The following COL23A1 variants were observed in gnomAD, a reference collection of about 807,000 sequenced individuals.
The protein encoded by COL23A1 is collagen type XXIII alpha 1 chain.
In COL23A1, 97 loss-of-function variants were observed where a neutral mutation model predicts 99.3. The ratio of observed to expected loss-of-function variants is 0.98; its 90% CI spans 0.83 to 1.16. The LOEUF is 1.16. COL23A1 is among the 50% of genes most tolerant of loss of function. The probability of loss-of-function intolerance (pLI) is 0.00; values close to 1 mark genes in which losing one functional copy is unlikely to be tolerated. For synonymous variants in COL23A1, 320 were observed against 308.2 expected (o/e 1.04, Z -0.40); for missense variants, 762 against 757.4 (o/e 1.01, Z -0.07).
chr5:178,364,639 C>T (rs889631040), intron 2 of COL23A1, among the ~76,000 whole-genome samples: 4 of 152,136 alleles, frequency 2.6e-5, no homozygotes, highest in Admixed American at 1.3e-4. Context: ...GTCGGGGAGG[C>T]GCCTGGGAAC....
rs556623770 is a variant in COL23A1 at position 178,446,105 on chromosome 5, T to TA, written c.361+114576_361+114577insT. On this transcript the variant is annotated intron_variant, in intron 2 of 28. Coordinates refer to ENST00000390654, the MANE Select transcript of COL23A1 (RefSeq NM_173465.4). ...TCAAAAAATTTCCATATATATATAT[T>TA]TTTAAACACATTATAACACCCAGTA... Among the ~76,000 whole-genome samples, 1,087 of 151,902 alleles carry TA rather than the reference T, an allele frequency of 7.2e-3. 14 individuals are homozygous for TA. The highest frequency in any genetic ancestry group is 0.024 in the African/African-American group (992 of 41,352).
chr5:178,481,467 A>T (rs1462792162), intron 2 of COL23A1, among the ~76,000 whole-genome samples: 1 of 152,194 alleles, frequency 6.6e-6, no homozygotes, highest in Admixed American at 6.5e-5. Flanking sequence ...CATATATCTG[A>T]TAAGTGATTA....
At chr5:178,552,965 C>T (rs2113489585) in intron 2 of COL23A1, among the ~76,000 whole-genome samples, 2 of 152,216 alleles carry the variant, frequency 1.3e-5, no homozygotes, top group East Asian at 3.9e-4. Flanking sequence ...GCCTTGGCCT[C>T]CCAAAGTGCT....
intron 2 of COL23A1, among the ~76,000 whole-genome samples, chr5:178,475,563 C>T (rs1039170529): frequency 2.6e-5 from 4 of 152,188 alleles, no homozygotes; most frequent in African/African-American, 4.8e-5. Flanking sequence ...AAAATGTATG[C>T]GATTACCCAA....
chr5:178,333,097 ACAG>A (rs1760123841), intron 2 of COL23A1, among the ~76,000 whole-genome samples: 1 of 152,072 alleles, frequency 6.6e-6, no homozygotes. Flanking sequence ...AGCTGGGACT[ACAG>A]GCGCCTGCCA....
At chr5:178,277,288 C>A (rs1561817492) in intron 5 of COL23A1, among the ~76,000 whole-genome samples, 2 of 151,994 alleles carry the variant, frequency 1.3e-5, no homozygotes, top group African/African-American at 4.8e-5. Flanking sequence ...ATTGCTTAAA[C>A]CGTGGAGGTT....
chr5:178,268,622 G>C (rs1756042107), intron 7 of COL23A1, 108 bp downstream of exon 7: 4 of 1,073,646 alleles, frequency 3.7e-6, no homozygotes, highest in Non-Finnish European at 5.3e-6. Flanking sequence ...TGAGGCTCTA[G>C]GAGGGGCTGT....
At chr5:178,263,716 T>G (rs1297895697) in intron 8 of COL23A1, among the ~76,000 whole-genome samples, 1 of 152,190 alleles carries the variant, frequency 6.6e-6, no homozygotes, top group Non-Finnish European at 1.5e-5. Flanking sequence ...CAACTCCCAC[T>G]TCATTTAAGT....
chr5:178,319,432 G>A (rs1006574200), intron 2 of COL23A1, among the ~76,000 whole-genome samples: 2 of 152,038 alleles, frequency 1.3e-5, no homozygotes, highest in Admixed American at 6.5e-5. Flanking sequence ...TCATTCGTGT[G>A]AGCTTTGATT....
At chr5:178,290,552 C>T (rs1046460424) in intron 3 of COL23A1, among the ~76,000 whole-genome samples, 183 bp from the exon 4 acceptor site, 3 of 152,164 alleles carry the variant, frequency 2.0e-5, no homozygotes, top group Non-Finnish European at 4.4e-5. Context: ...AGAAGGAGCA[C>T]CTTTGCCCTT....
chr5:178,436,357 G>A (rs571010758), intron 2 of COL23A1, among the ~76,000 whole-genome samples: 20 of 152,150 alleles, frequency 1.3e-4, no homozygotes, highest in African/African-American at 4.3e-4. Context: ...CCAGGTCAGC[G>A]GTTGTGGCGA....
chr5:178,529,429 C>A (rs148005732), intron 2 of COL23A1, among the ~76,000 whole-genome samples: 107 of 152,346 alleles, frequency 7.0e-4, no homozygotes, highest in Non-Finnish European at 1.2e-3. Flanking sequence ...TTTCTTGGGG[C>A]CCCAAGTGCA....
intron 3 of COL23A1, among the ~76,000 whole-genome samples, chr5:178,301,237 A>G (rs1367333726): frequency 1.3e-5 from 2 of 152,178 alleles, no homozygotes; most frequent in African/African-American, 2.4e-5. Flanking sequence ...TTTTCATTTC[A>G]GTTATGGTAC....
At chr5:178,339,491 C>G (rs753948690) in intron 2 of COL23A1, among the ~76,000 whole-genome samples, 26 of 152,234 alleles carry the variant, frequency 1.7e-4, no homozygotes, top group Non-Finnish European at 3.5e-4. Context: ...AGATCCTGCA[C>G]TGACCAGCAG....
chr5:178,258,262 T>TATATATATATATATATATATATATATAC lies in COL23A1; in HGVS notation c.730-696_730-695insGTATATATATATATATATATATATATAT. 1.6e-3 allele frequency among the ~76,000 whole-genome samples: 170 copies of TATATATATATATATATATATATATATAC among 104,010 alleles called. 7 individuals carry two copies. Among genetic ancestry groups the TATATATATATATATATATATATATATAC allele is most frequent in the Admixed American group, 4.0e-3 (38 of 9,618 alleles). 68.2% of individuals were successfully genotyped at this position (104,010 alleles called of 152,430 possible). The stretch of plus-strand genomic sequence containing the variant: ...ATATATATATATATATATATATATA[T>TATATATATATATATATATATATATATAC]ACACATGCAAATCAATTCTAGGCAC... On this transcript the variant is annotated intron_variant, in intron 12 of 28. Transcript: ENST00000390654.
At position 178,340,738 on chromosome 5, in the gene COL23A1, C is replaced by T. The variant is rs2127661465; in HGVS notation, c.362-33819G>A. On this transcript the variant is annotated intron_variant, in intron 2 of 28. Coordinates refer to ENST00000390654, the MANE Select transcript of COL23A1 (RefSeq NM_173465.4). The surrounding 1 kb of genome is among the most constrained non-coding windows in gnomAD (Gnocchi z 4.7). ...TCCCAGGGGCAGTGAGGGAGTCTCA[C>T]CGGAATGGAGGTGGGCGGGAATGGA... Among the ~76,000 whole-genome samples, 1 of 152,354 alleles carries T rather than the reference C, an allele frequency of 6.6e-6. No homozygotes were observed. The highest frequency in any genetic ancestry group is 2.1e-4 in the South Asian group (1 of 4,834).
intron 3 of COL23A1, among the ~76,000 whole-genome samples, chr5:178,293,802 C>T (rs112474013): frequency 0.028 from 4,272 of 151,956 alleles, 202 homozygotes; most frequent in African/African-American, 0.097. Context: ...AGGGAATGGG[C>T]TGGAATTTGT....
Position 178,256,412 on chromosome 5 carries a change from A to G in COL23A1, c.838-15T>C. The stretch of plus-strand genomic sequence containing the variant: ...CCAGGCTCCCCCTGTGGAGACATGC[A>G]TTTGCAGCCAGAGGTGCAGCTGTGA... On this transcript the variant is annotated splice_polypyrimidine_tract_variant and intron_variant, in intron 14 of 28. Coordinates refer to ENST00000390654, the MANE Select transcript of COL23A1 (RefSeq NM_173465.4). 1 of 1,602,668 alleles carries G rather than the reference A, an allele frequency of 6.2e-7. No homozygotes were observed. Among genetic ancestry groups the G allele is most frequent in the Non-Finnish European group, 8.5e-7 (1 of 1,173,724 alleles).
rs894762447 is a variant in COL23A1 at position 178,365,048 on chromosome 5, A to G, written c.362-58129T>C. 7.2e-5 allele frequency among the ~76,000 whole-genome samples: 11 copies of G among 152,270 alleles called. No homozygotes were observed. The highest frequency in any genetic ancestry group is 2.7e-4 in the African/African-American group (11 of 41,480). On this transcript the variant is annotated intron_variant, in intron 2 of 28. Transcript: ENST00000390654. The surrounding 1 kb of genome is among the most constrained non-coding windows in gnomAD (Gnocchi z 5.2). Reference sequence around the variant, plus strand: ...GGCGAATAAACAGATGCACAAGCAGATACAGCAGTAAAGAATAAACCGTAG... The same window carrying G: ...GGCGAATAAACAGATGCACAAGCAGGTACAGCAGTAAAGAATAAACCGTAG...
Sources: allele counts gnomAD v4.1 joint callset (sites outside exome capture counted in the v4.1 genomes callset), GRCh38; gene constraint gnomAD v4.1.1; non-coding constraint Gnocchi (gnomAD v3.1); transcripts MANE v1.5; gene names NCBI Gene and HGNC (gene_info 2026-07-23, HGNC 2026-07-21).